FBXL17: variants seen among roughly 807,000 people sequenced by gnomAD.
The protein encoded by FBXL17 is F-box and leucine rich repeat protein 17.
A neutral mutation model predicts 66.2 loss-of-function variants in FBXL17; 22 were observed. The observed-to-expected ratio is 0.33, with a 90% CI of 0.24 to 0.47. FBXL17 has a LOEUF of 0.47. FBXL17 is among the 20% of genes least tolerant of loss of function. The pLI, the probability that FBXL17 is intolerant of heterozygous loss-of-function variation, is 1.00. For synonymous variants in FBXL17, 474 were observed against 400.5 expected (o/e 1.18, Z -2.19); for missense variants, 878 against 948.2 (o/e 0.93, Z 0.97).
rs560381510 is a variant in FBXL17 at position 108,307,775 on chromosome 5, T to C, written c.1506+40624A>G. On this transcript the variant is annotated intron_variant, in intron 4 of 8. Transcript: ENST00000542267. ...CAAATTACCCTTCATCTTGACCCAT[T>C]AACATAGCTTTAAAATAAGACAGCT... Among the ~76,000 whole-genome samples, 11 of 152,148 alleles carry C rather than the reference T, an allele frequency of 7.2e-5. 1 individual carries two copies. The Middle Eastern group carries it at 0.014, about 188-fold the overall frequency.
chr5:108,170,657 C>T (rs1752573853), intron 6 of FBXL17, among the ~76,000 whole-genome samples: 1 of 152,076 alleles, frequency 6.6e-6, no homozygotes, highest in Non-Finnish European at 1.5e-5. Context: ...CCTCAGCTTC[C>T]CAAGTAGCTG....
intron 6 of FBXL17, among the ~76,000 whole-genome samples, chr5:108,029,443 A>G (rs937556632): frequency 6.6e-6 from 1 of 152,144 alleles, no homozygotes; most frequent in African/African-American, 2.4e-5. Context: ...CACTGAATAT[A>G]TAAAACCTGC....
intron 7 of FBXL17, among the ~76,000 whole-genome samples, chr5:107,998,075 G>A (rs1053750043): frequency 6.6e-6 from 1 of 152,080 alleles, no homozygotes; most frequent in Non-Finnish European, 1.5e-5. Flanking sequence ...ATACACACCC[G>A]ATTTCAAAGA....
chr5:108,241,587 A>G (rs1436587740), intron 4 of FBXL17, among the ~76,000 whole-genome samples: 1 of 152,220 alleles, frequency 6.6e-6, no homozygotes, highest in Non-Finnish European at 1.5e-5. Context: ...ATTCAAAGGG[A>G]TAACAGAATT....
At chr5:107,891,495 T>A (rs1411143090) in intron 7 of FBXL17, among the ~76,000 whole-genome samples, 1 of 152,140 alleles carries the variant, frequency 6.6e-6, no homozygotes, top group Non-Finnish European at 1.5e-5. Flanking sequence ...ATTGCAATTA[T>A]CCAAGCAAGA....
Position 108,126,852 on chromosome 5 carries a change from GA to G in FBXL17, c.1745+59264del, listed in dbSNP as rs544877615. ...TACATTTAGCAAAAAAGAAAAAGAAGAAAAAAATGCCATTGAGAGTCAAAAG... is the reference window on the plus strand; with the variant it reads ...TACATTTAGCAAAAAAGAAAAAGAAGAAAAAATGCCATTGAGAGTCAAAAG... On this transcript the variant is annotated intron_variant, in intron 6 of 8. Coordinates refer to ENST00000542267, the MANE Select transcript of FBXL17 (RefSeq NM_001163315.3). Among the ~76,000 whole-genome samples the G allele has an allele frequency of 4.3e-3, 650 of 151,332 alleles. 2 individuals are homozygous for G. The highest frequency in any genetic ancestry group is 0.015 in the African/African-American group (625 of 41,354).
intron 6 of FBXL17, among the ~76,000 whole-genome samples, chr5:108,075,185 TCAGTTGTC>T (rs1748495737): frequency 6.6e-6 from 1 of 152,218 alleles, no homozygotes; most frequent in Admixed American, 6.5e-5. Flanking sequence ...CACCCTGAGC[TCAGTTGTC>T]CAGTTGGGAA....
At position 107,936,855 on chromosome 5, in the gene FBXL17, T is replaced by G. The variant is rs73780462; in HGVS notation, c.1823-55676A>C. Among the ~76,000 whole-genome samples, 772 of 152,200 alleles carry G rather than the reference T, an allele frequency of 5.1e-3. 4 individuals are homozygous for G. The highest frequency in any genetic ancestry group is 0.018 in the African/African-American group (730 of 41,546). The stretch of plus-strand genomic sequence containing the variant: ...ATGGTAAACTCTCTGGATTATAAAT[T>G]ACAACAGAAACAAGATGAACAGCTT... On this transcript the variant is annotated intron_variant, in intron 7 of 8. Transcript: ENST00000542267.
chr5:108,051,576 T>C (rs1374191182), intron 6 of FBXL17, among the ~76,000 whole-genome samples: 2 of 152,160 alleles, frequency 1.3e-5, no homozygotes, highest in East Asian at 3.8e-4. Flanking sequence ...AAACTAGATA[T>C]TGATGAAACA....
intron 6 of FBXL17, among the ~76,000 whole-genome samples, chr5:108,088,056 G>A (rs1212878593): frequency 6.6e-6 from 1 of 152,028 alleles, no homozygotes; most frequent in African/African-American, 2.4e-5. Flanking sequence ...TATAGATGAT[G>A]GGAAATAGAT....
At chr5:107,979,201 A>T (rs1019082391) in intron 7 of FBXL17, among the ~76,000 whole-genome samples, 2 of 152,218 alleles carry the variant, frequency 1.3e-5, no homozygotes, top group African/African-American at 2.4e-5. Context: ...GTCTCCTTGG[A>T]GTAAACGGAA....
chr5:108,006,341 G>C (rs1753919132), intron 7 of FBXL17, among the ~76,000 whole-genome samples: 1 of 152,004 alleles, frequency 6.6e-6, no homozygotes, highest in African/African-American at 2.4e-5. Flanking sequence ...ACAGTTATCA[G>C]TGGATTTGGC....
Position 108,192,153 on chromosome 5 carries a change from A to C in FBXL17, c.1615-5906T>G, listed in dbSNP as rs1753494180. 1.1e-4 allele frequency among the ~76,000 whole-genome samples: 16 copies of C among 152,328 alleles called. 1 individual carries two copies. In the South Asian group the frequency reaches 3.3e-3, roughly 32 times the overall value. ...ATGGGAATTTCATAATGGTGCCCCC[A>C]GTGTTTCATAAAAAGCTACATAAAA... On this transcript the variant is annotated intron_variant, in intron 5 of 8. Transcript: ENST00000542267.
intron 5 of FBXL17, among the ~76,000 whole-genome samples, chr5:108,187,156 T>C (rs1014576226): frequency 1.3e-5 from 2 of 152,224 alleles, no homozygotes; most frequent in African/African-American, 4.8e-5. Flanking sequence ...TCTTTAAGTT[T>C]CTTGTCTTCC....
chr5:107,884,402 A>T (rs1162870313), intron 7 of FBXL17, among the ~76,000 whole-genome samples: 1 of 152,178 alleles, frequency 6.6e-6, no homozygotes, highest in African/African-American at 2.4e-5. Flanking sequence ...CCAGGGTGCA[A>T]ATTGAGGTTA....
rs1750024687 is a variant in FBXL17, at chr5:108,382,086, C to T, written c.-395G>A. ...ACTGCGGATCCGCCGCCGGCGCGCGCACCCGCGACTCTGCTCGGAGCCGCA... is the reference window on the plus strand; with the variant it reads ...ACTGCGGATCCGCCGCCGGCGCGCGTACCCGCGACTCTGCTCGGAGCCGCA... On this transcript the variant is annotated 5_prime_UTR_variant, in exon 1 of 9. Transcript: ENST00000542267. The T allele has an allele frequency of 7.9e-6, 4 of 503,766 alleles. No individual in the cohort carries two copies. Among genetic ancestry groups the T allele is most frequent in the African/African-American group, 4.1e-5 (2 of 48,340 alleles). 31.2% of individuals were successfully genotyped at this position (503,766 alleles called of 1,614,324 possible). A position where few individuals can be genotyped will look rare whatever the true frequency, so the allele number is the denominator to read the frequency against.
chr5:108,295,155 G>A (rs1758293037), intron 4 of FBXL17, among the ~76,000 whole-genome samples: 1 of 151,592 alleles, frequency 6.6e-6, no homozygotes, highest in Non-Finnish European at 1.5e-5. Context: ...TACACAATTC[G>A]ATTCCTAGTA....
intron 6 of FBXL17, among the ~76,000 whole-genome samples, chr5:108,115,659 T>C (rs1750221522): frequency 6.6e-6 from 1 of 152,014 alleles, no homozygotes; most frequent in Non-Finnish European, 1.5e-5. Flanking sequence ...ATCTCCCAGT[T>C]TTTAAATATT....
intron 8 of FBXL17, among the ~76,000 whole-genome samples, chr5:107,877,704 T>A (rs140277688): frequency 1.3e-5 from 2 of 152,044 alleles, no homozygotes; most frequent in Non-Finnish European, 2.9e-5. Context: ...AAGGGGTTTG[T>A]TGAGTAGATG....
Sources: allele counts gnomAD v4.1 joint callset (sites outside exome capture counted in the v4.1 genomes callset), GRCh38; gene constraint gnomAD v4.1.1; transcripts MANE v1.5; gene names NCBI Gene and HGNC (gene_info 2026-07-23, HGNC 2026-07-21).